Variants in MAPK8IP3 observed in about 807,000 individuals in gnomAD.
The protein encoded by MAPK8IP3 is mitogen-activated protein kinase 8 interacting protein 3, also known as C-Jun-amino-terminal kinase-interacting protein 3.
A neutral mutation model predicts 157.8 loss-of-function variants in MAPK8IP3; 49 were observed. The observed-to-expected ratio is 0.31, with a 90% CI of 0.25 to 0.39. The LOEUF (loss-of-function observed/expected upper bound fraction) is 0.39, where lower values mean the gene tolerates loss of function less well. Ranked by LOEUF, MAPK8IP3 falls within the 10% of genes least tolerant of loss-of-function variation. MAPK8IP3 has a pLI of 1.00. For missense variants in MAPK8IP3, 1,478 were observed against 1,889.4 expected (o/e 0.78, Z 4.04); for synonymous variants, 897 against 777.7 (o/e 1.15, Z -2.55).
At chr16:1,768,655 G>A (rs746399886) in intron 31 of MAPK8IP3, 29 bp downstream of exon 31, 1 of 1,611,054 alleles carries the variant, frequency 6.2e-7, no homozygotes, top group Non-Finnish European at 8.5e-7. Context: ...CAGGGCTGAG[G>A]TTGGGCGCGG....
At chr16:1,722,298 C>T (rs950470624) in intron 1 of MAPK8IP3, among the ~76,000 whole-genome samples, 3 of 152,292 alleles carry the variant, frequency 2.0e-5, no homozygotes, top group South Asian at 2.1e-4. Context: ...CCCTGCCTGC[C>T]CCTCCCGCCT....
At chr16:1,754,121 C>T (rs1023369025) in intron 8 of MAPK8IP3, among the ~76,000 whole-genome samples, 4 of 150,634 alleles carry the variant, frequency 2.7e-5, no homozygotes, top group Admixed American at 1.3e-4. Flanking sequence ...TGCAGTGAGC[C>T]GAGATCGCAC....
At chr16:1,768,401 A>G (rs1330625835) in intron 30 of MAPK8IP3, 23 bp downstream of exon 30, 1 of 1,598,198 alleles carries the variant, frequency 6.3e-7, no homozygotes, top group Non-Finnish European at 8.5e-7. Flanking sequence ...CCCTCCTGCC[A>G]TCCACATCCC....
At chr16:1,729,603 G>C (rs2039153315) in intron 4 of MAPK8IP3, 25 bp downstream of exon 4, 1 of 1,570,728 alleles carries the variant, frequency 6.4e-7, no homozygotes, top group Non-Finnish European at 8.7e-7. Flanking sequence ...GCGGGGTGGA[G>C]GTACGCGGGG....
At chr16:1,723,718 A>G (rs543921972) in intron 1 of MAPK8IP3, among the ~76,000 whole-genome samples, 1 of 152,296 alleles carries the variant, frequency 6.6e-6, no homozygotes, top group South Asian at 2.1e-4. Context: ...TACTCTGTAA[A>G]AATGAGGTGT....
chr16:1,756,286 G>A (rs940746203), intron 8 of MAPK8IP3, among the ~76,000 whole-genome samples: 13 of 152,234 alleles, frequency 8.5e-5, no homozygotes, highest in East Asian at 1.9e-4. Context: ...GCCAAGGCAG[G>A]TGGATCATTT....
At chr16:1,739,677 A>ACCGTCCGTGT (rs2040495846) in intron 4 of MAPK8IP3, among the ~76,000 whole-genome samples, 1 of 39,476 alleles carries the variant, frequency 2.5e-5, no homozygotes, top group African/African-American at 1.1e-4. Flanking sequence ...CGTTCGTGTG[A>ACCGTCCGTGT]GTGACCGTCC....
chr16:1,737,897 A>T (rs541789490), intron 4 of MAPK8IP3, among the ~76,000 whole-genome samples: 1 of 43,470 alleles, frequency 2.3e-5, no homozygotes, highest in Admixed American at 3.5e-4. Context: ...CATCCGTGTG[A>T]GCGTGTGACC....
intron 5 of MAPK8IP3, chr16:1,746,132 G>C (rs2141857348): frequency 6.6e-6 from 1 of 152,366 alleles, no homozygotes; most frequent in Admixed American, 6.5e-5. Flanking sequence ...GTGCCTCTGA[G>C]GCCTTGCACT....
chr16:1,712,873 C>T (rs2142278934), intron 1 of MAPK8IP3, among the ~76,000 whole-genome samples: 1 of 152,366 alleles, frequency 6.6e-6, no homozygotes, highest in South Asian at 2.1e-4. Flanking sequence ...GCCGCCCCTG[C>T]CTGGGGAGCT....
chr16:1,758,201 G>A (rs766235742), intron 9 of MAPK8IP3, 42 bp downstream of exon 9: 14 of 1,609,042 alleles, frequency 8.7e-6, no homozygotes, highest in East Asian at 6.7e-5. Flanking sequence ...TCTGTGTGAC[G>A]GGGGGAGTGG....
chr16:1,724,719 C>G lies in MAPK8IP3; in HGVS notation c.439+42C>G. On this transcript the variant is annotated intron_variant, in intron 2 of 31. Coordinates refer to ENST00000610761, the MANE Select transcript of MAPK8IP3 (RefSeq NM_001318852.2). This position sits in a 1 kb window ranked among gnomAD's most constrained non-coding sequence, Gnocchi z 4.1. ...AGCCTGGAGGCGCGCTTGATGGGCG[C>G]TGCTCTGGGACGGCTCTGGTTGGGG... 1.3e-6 allele frequency: 2 copies of G among 1,599,354 alleles called. No homozygotes were observed.
At chr16:1,739,688 G>A (rs1162301605) in intron 4 of MAPK8IP3, among the ~76,000 whole-genome samples, 3 of 132,390 alleles carry the variant, frequency 2.3e-5, no homozygotes, top group Non-Finnish European at 3.2e-5. Context: ...GTGACCGTCC[G>A]TGTGAGCTTC....
chr16:1,757,715 G>A (rs902568228), intron 8 of MAPK8IP3, among the ~76,000 whole-genome samples: 2 of 152,226 alleles, frequency 1.3e-5, no homozygotes, highest in Non-Finnish European at 2.9e-5. Flanking sequence ...TCCAGCTCCA[G>A]GCCTGCGTCT....
At chr16:1,731,198 G>A (rs1479085780) in intron 4 of MAPK8IP3, among the ~76,000 whole-genome samples, 1 of 151,944 alleles carries the variant, frequency 6.6e-6, no homozygotes, top group Non-Finnish European at 1.5e-5. Context: ...GTGTGATGGT[G>A]CATGCCTGTG....
chr16:1,765,276 G>A, intron 20 of MAPK8IP3, 98 bp downstream of exon 20: 2 of 1,385,314 alleles, frequency 1.4e-6, no homozygotes, highest in Non-Finnish European at 1.9e-6. Context: ...TTCTCGGGGT[G>A]TCCTGTGGAC....
intron 1 of MAPK8IP3, chr16:1,713,719 A>T (rs1283971794): frequency 6.6e-6 from 1 of 152,146 alleles, no homozygotes; most frequent in African/African-American, 2.4e-5. Flanking sequence ...AACCGCTCGC[A>T]CCTCAGGACT....
intron 1 of MAPK8IP3, among the ~76,000 whole-genome samples, chr16:1,722,725 G>A (rs894039405): frequency 6.6e-6 from 1 of 151,964 alleles, no homozygotes; most frequent in Non-Finnish European, 1.5e-5. Context: ...TTTTTTTTGA[G>A]ATGGAGTCTC....
At chr16:1,738,817 CTGTG>C (rs1175861514) in intron 4 of MAPK8IP3, among the ~76,000 whole-genome samples, 1 of 123,722 alleles carries the variant, frequency 8.1e-6, no homozygotes, top group Admixed American at 8.6e-5. Flanking sequence ...ATGTGAGCAT[CTGTG>C]TGACCGTCCG....
Sources: gnomAD v4.1 joint callset for allele counts (sites outside exome capture counted in the v4.1 genomes callset) on GRCh38, gnomAD v4.1.1 for gene constraint, Gnocchi (gnomAD v3.1) non-coding constraint, MANE v1.5 for transcripts, NCBI Gene and HGNC (gene_info 2026-07-23, HGNC 2026-07-21) for gene names.